CLCN4: variants seen among roughly 807,000 people sequenced by gnomAD.
CLCN4 encodes Cl-/H+ antiporter 4.
In CLCN4, 1 loss-of-function variant was observed where a neutral mutation model predicts 41.7. The ratio of observed to expected loss-of-function variants is 0.02; its 90% confidence interval spans 0.01 to 0.11. CLCN4 has a LOEUF of 0.11. Ranked by LOEUF, CLCN4 falls within the 10% of genes least tolerant of loss-of-function variation. The pLI, the probability that CLCN4 is intolerant of heterozygous loss-of-function variation, is 1.00. For missense variants in CLCN4, 287 were observed against 661.0 expected, an observed-to-expected ratio of 0.43 and a Z score of 6.20; for synonymous variants, 277 against 285.8, an observed-to-expected ratio of 0.97 and a Z score of 0.31.
rs190598044 is a variant in CLCN4, at chrX:10,232,389, T to C, written c.2193-1105T>C. Among the ~76,000 whole-genome samples the C allele has an allele frequency of 7.4e-3, 837 of 112,561 alleles. 10 individuals are homozygous for C. The highest frequency in any genetic ancestry group is 0.026 in the African/African-American group (801 of 31,023). On this transcript the variant is annotated intron_variant, in intron 12 of 12. Transcript: ENST00000380833. The stretch of plus-strand genomic sequence containing the variant: ...TTAAATAAATGACAGTATATTACAG[T>C]TAGGTTTTCTGATTTCTTTTGTATA...
chrX:10,190,238 C>T (rs1427766837), intron 4 of CLCN4, among the ~76,000 whole-genome samples: 1 of 111,290 alleles, frequency 9.0e-6, no homozygotes. Context: ...ATAATCTCAC[C>T]ACAAAAATAA....
intron 3 of CLCN4, 68 bp from the exon 4 acceptor site, chrX:10,187,447 A>T (rs1265074736): frequency 2.3e-5 from 18 of 793,588 alleles, no homozygotes; most frequent in Non-Finnish European, 3.1e-5. Context: ...CCGAGGAAAC[A>T]GTTTCAAGGA....
intron 4 of CLCN4, among the ~76,000 whole-genome samples, chrX:10,188,969 G>C (rs5934805): frequency 7.2e-5 from 8 of 111,262 alleles, no homozygotes; most frequent in African/African-American, 2.6e-4. Flanking sequence ...CTGTCTGTCC[G>C]TTTCTCCAAG....
chrX:10,234,594 G>A lies in CLCN4; in HGVS notation c.*1010G>A, dbSNP rs1925205580. 8.9e-6 allele frequency: 1 copy of A among 112,574 alleles called. No homozygotes were observed. The highest frequency in any genetic ancestry group is 1.9e-5 in the Non-Finnish European group (1 of 53,282). The allele number at this position is 112,574 out of a possible 1,213,427, so 9.3% of individuals were successfully genotyped here. On this transcript the variant is annotated 3_prime_UTR_variant, in exon 13 of 13. Transcript: ENST00000380833. The stretch of plus-strand genomic sequence containing the variant: ...TCTTATCAGATACGGCTGTGGAGAG[G>A]ATGAGGCATATGCGTTGTCAGTTGG...
chrX:10,190,659 A>G (rs1923936669), intron 4 of CLCN4, among the ~76,000 whole-genome samples: 1 of 112,190 alleles, frequency 8.9e-6, no homozygotes, highest in African/African-American at 3.2e-5. Flanking sequence ...TTGAGCATGT[A>G]GGATTTCTTT....
chrX:10,226,214 A>T (rs545900659), intron 12 of CLCN4, among the ~76,000 whole-genome samples: 6 of 109,496 alleles, frequency 5.5e-5, no homozygotes, highest in African/African-American at 2.0e-4. Flanking sequence ...GTGCAATCAG[A>T]TTAGAACTCA....
At chrX:10,157,799 G>A (rs1922989385) in intron 1 of CLCN4, among the ~76,000 whole-genome samples, 1 of 112,915 alleles carries the variant, frequency 8.9e-6, no homozygotes, top group Non-Finnish European at 1.9e-5. Flanking sequence ...GCCAGAAGAT[G>A]TAAGAAAACA....
rs1040735515 is a variant in CLCN4 at position 10,234,878 on chromosome X, T to C, written c.*1294T>C. The stretch of plus-strand genomic sequence containing the variant: ...TGCGGGAAGGAATTAAGCTATGTAT[T>C]AGGTCCACCATACGATCTGTGTAAG... On this transcript the variant is annotated 3_prime_UTR_variant, in exon 13 of 13. Coordinates refer to ENST00000380833, the MANE Select transcript of CLCN4 (RefSeq NM_001830.4). 1 of 112,372 alleles carries C rather than the reference T, an allele frequency of 8.9e-6. No homozygotes were observed. The highest frequency in any genetic ancestry group is 3.2e-5 in the African/African-American group (1 of 30,927). 9.3% of individuals were successfully genotyped at this position (112,372 alleles called of 1,213,427 possible). A position where few individuals can be genotyped will look rare whatever the true frequency, so the allele number is the denominator to read the frequency against.
chrX:10,211,991 A>G (rs764253241), intron 9 of CLCN4, among the ~76,000 whole-genome samples: 1 of 112,010 alleles, frequency 8.9e-6, no homozygotes, highest in Non-Finnish European at 1.9e-5. Context: ...TTTCTGGAAG[A>G]TCCAGGGTGG....
chrX:10,181,385 AAAAG>A (rs1317341545), intron 2 of CLCN4, among the ~76,000 whole-genome samples: 1 of 110,386 alleles, frequency 9.1e-6, no homozygotes, highest in East Asian at 2.8e-4. Flanking sequence ...AAAGAAAAAG[AAAAG>A]AAAGAAAAAG....
intron 12 of CLCN4, among the ~76,000 whole-genome samples, chrX:10,229,025 T>A: frequency 9.0e-6 from 1 of 111,595 alleles, no homozygotes; most frequent in Admixed American, 9.5e-5. Flanking sequence ...ATGGCCTATC[T>A]GCAACAAATA....
chrX:10,224,490 A>G (rs1230823282), intron 12 of CLCN4, among the ~76,000 whole-genome samples: 1 of 110,494 alleles, frequency 9.1e-6, no homozygotes, highest in Non-Finnish European at 1.9e-5. Flanking sequence ...AAAAAAAGCC[A>G]AGGAGCTTGT....
At chrX:10,207,076 C>G (rs1420297392) in intron 8 of CLCN4, among the ~76,000 whole-genome samples, 1 of 110,573 alleles carries the variant, frequency 9.0e-6, no homozygotes, top group Non-Finnish European at 1.9e-5. Flanking sequence ...CACGCCACCA[C>G]GCCTGGCTCA....
chrX:10,198,088 C>T lies in CLCN4; in HGVS notation c.555+27C>T, dbSNP rs199579827. 4.5e-4 allele frequency: 536 copies of T among 1,198,118 alleles called. 2 individuals carry two copies. Among genetic ancestry groups the T allele is most frequent in the Non-Finnish European group, 5.9e-4 (520 of 886,576 alleles). The stretch of plus-strand genomic sequence containing the variant: ...TGAGTTCTGGCTGATTTTTTTGGTA[C>T]CAATAATAAGAATAGCAAATTCTTC... On this transcript the variant is annotated intron_variant, in intron 6 of 12. Transcript: ENST00000380833.
chrX:10,183,572 A>G (rs938931563), intron 2 of CLCN4, among the ~76,000 whole-genome samples: 3 of 112,003 alleles, frequency 2.7e-5, no homozygotes, highest in African/African-American at 9.7e-5. Flanking sequence ...TGCATATTCC[A>G]ACCTCTTGTC....
chrX:10,175,917 T>TCTCTCTCTCTTCCCCTCCCTCC (rs1923513310), intron 2 of CLCN4, among the ~76,000 whole-genome samples: 1 of 64,234 alleles, frequency 1.6e-5, no homozygotes, highest in Non-Finnish European at 2.6e-5. Flanking sequence ...TCCCTCCCTC[T>TCTCTCTCTCTTCCCCTCCCTCC]CTCTCTCTCT....
At chrX:10,186,617 C>T (rs765372284) in intron 3 of CLCN4, among the ~76,000 whole-genome samples, 35 of 110,827 alleles carry the variant, frequency 3.2e-4, no homozygotes, top group African/African-American at 9.9e-4. Flanking sequence ...AGGGCTGGCA[C>T]GAAAGGAGGA....
intron 6 of CLCN4, among the ~76,000 whole-genome samples, chrX:10,203,192 G>A (rs1924286148): frequency 9.0e-6 from 1 of 111,690 alleles, no homozygotes; most frequent in Non-Finnish European, 1.9e-5. Flanking sequence ...ATACCCTTGG[G>A]TCCAAATCCA....
chrX:10,211,778 A>T (rs561385371), intron 9 of CLCN4, among the ~76,000 whole-genome samples: 1 of 112,374 alleles, frequency 8.9e-6, no homozygotes, highest in African/African-American at 3.2e-5. Flanking sequence ...ATGTATCTTC[A>T]TCCAGCAGGG....
Sources: allele counts gnomAD v4.1 joint callset (sites outside exome capture counted in the v4.1 genomes callset), GRCh38; gene constraint gnomAD v4.1.1; transcripts MANE v1.5; gene names NCBI Gene and HGNC (gene_info 2026-07-23, HGNC 2026-07-21).